CEP152: variants seen among roughly 807,000 people sequenced by gnomAD.
CEP152 encodes centrosomal protein 152.
A neutral mutation model predicts 188.9 loss-of-function variants in CEP152; 132 were observed. That is an observed-to-expected ratio of 0.70 (90% CI 0.61 to 0.81). The LOEUF is 0.81. CEP152 is among the 30% of genes least tolerant of loss of function. CEP152 has a pLI of 0.00. For missense variants in CEP152, 1,914 were observed against 1,969.8 expected (o/e 0.97, Z 0.54); for synonymous variants, 649 against 666.6 (o/e 0.97, Z 0.41).
Position 48,743,383 on chromosome 15 carries a change from G to A in CEP152, c.3835+857C>T, listed in dbSNP as rs1020585266. Among the ~76,000 whole-genome samples, 6 of 152,200 alleles carry A rather than the reference G, an allele frequency of 3.9e-5. No homozygotes were observed. In the South Asian group the frequency reaches 1.2e-3, roughly 32 times the overall value. ...GTTTTGGGACATATATCCATTCTAT[G>A]CATATTAGAATTAGAAACCAAGAAG... On this transcript the variant is annotated intron_variant, in intron 24 of 26. Coordinates refer to ENST00000380950, the MANE Select transcript of CEP152 (RefSeq NM_001194998.2).
chr15:48,746,810 T>C (rs1893466322), intron 22 of CEP152, among the ~76,000 whole-genome samples: 1 of 152,148 alleles, frequency 6.6e-6, no homozygotes, highest in African/African-American at 2.4e-5. Flanking sequence ...ATAGGAACTA[T>C]GGGGAGTGTA....
chr15:48,737,497 C>A (rs1892663656), downstream of CEP152, among the ~76,000 whole-genome samples: 1 of 152,114 alleles, frequency 6.6e-6, no homozygotes. Flanking sequence ...ATGTAAAAAT[C>A]TAATCGTTTT....
intron 22 of CEP152, among the ~76,000 whole-genome samples, chr15:48,746,422 C>T (rs1458736815): frequency 6.6e-6 from 1 of 152,086 alleles, no homozygotes; most frequent in African/African-American, 2.4e-5. Flanking sequence ...CATATTTTAA[C>T]ATATCTATGT....
chr15:48,768,970 G>A lies in CEP152; in HGVS notation c.1894C>T (p.Gln632Ter). ...LLLKNEIQVL[Q>*]QQNQELKETE... ...TTTTTAATCACCTGATTTTGTTGTT[G>A]TAAAACTTGAATTTCATTTTTAAGC... The change falls in exon 14 of 27, where the codon CAA becomes TAA. Residue 632 changes from glutamine (Q) to a stop codon, truncating the protein, a stop_gained. Coordinates refer to ENST00000380950, the MANE Select transcript of CEP152 (RefSeq NM_001194998.2). LOFTEE classifies it high-confidence loss of function. 6.4e-7 allele frequency: 1 copy of A among 1,550,886 alleles called. No homozygotes were observed. The highest frequency in any genetic ancestry group is 8.9e-7 in the Non-Finnish European group (1 of 1,129,292).
intron 15 of CEP152, 64 bp downstream of exon 15, chr15:48,768,155 G>A (rs1273726906): frequency 1.1e-6 from 1 of 914,022 alleles, no homozygotes; most frequent in Non-Finnish European, 1.8e-6. Flanking sequence ...TCACAGGGAA[G>A]GGCAGGGACT....
At chr15:48,744,799 T>C (rs544522715) in intron 23 of CEP152, 97 bp downstream of exon 23, 1 of 1,129,924 alleles carries the variant, frequency 8.9e-7, no homozygotes, top group Non-Finnish European at 1.2e-6. Flanking sequence ...TTTTATACTT[T>C]TTGCTGTATA....
chr15:48,760,203 A>G lies in CEP152; in HGVS notation c.2626T>C (p.Tyr876His). The change falls in exon 19 of 27, where the codon TAT becomes CAT. Residue 876 changes from tyrosine (Y) to histidine (H), a missense_variant. Transcript: ENST00000380950. Reference sequence around the variant, plus strand: ...TGTTCTGCCTTCACAAGTGCTTGATACTCTGCCAGCTCTGGTAGTTCTCCC... The same window carrying G: ...TGTTCTGCCTTCACAAGTGCTTGATGCTCTGCCAGCTCTGGTAGTTCTCCC... ...WLGELPELAE[Y>H]QALVKAEQKK... 4 of 1,613,936 alleles carry G rather than the reference A, an allele frequency of 2.5e-6. No homozygotes were observed. Among genetic ancestry groups the G allele is most frequent in the Non-Finnish European group, 3.4e-6 (4 of 1,179,954 alleles).
chr15:48,759,237 C>T (rs1459760232), intron 19 of CEP152, among the ~76,000 whole-genome samples: 1 of 152,080 alleles, frequency 6.6e-6, no homozygotes, highest in Non-Finnish European at 1.5e-5. Flanking sequence ...TGGTACAGAT[C>T]TGAAATCTTC....
At chr15:48,780,523 C>T (rs895383928) in intron 12 of CEP152, among the ~76,000 whole-genome samples, 4 of 152,256 alleles carry the variant, frequency 2.6e-5, no homozygotes, top group South Asian at 2.1e-4. Flanking sequence ...ACAATGATGA[C>T]GAACTCCATC....
rs899302856 is a variant in CEP152, at chr15:48,796,088, T to G, written c.613A>C (p.Asn205His). 3 of 1,613,936 alleles carry G rather than the reference T, an allele frequency of 1.9e-6. No individual in the cohort carries two copies. The highest frequency in any genetic ancestry group is 2.5e-6 in the Non-Finnish European group (3 of 1,179,872). Reference protein sequence around the residue: ...YKPYQSSAQNNGSPAQEITGS... With the variant: ...YKPYQSSAQNHGSPAQEITGS... ...GTTATCTCCTGGGCTGGTGAGCCAT[T>G]ATTCTGGGCAGAAGACTGATAAGGT... Residue 205 changes from asparagine to histidine, a missense_variant, in exon 6 of 27, where the codon AAT (asparagine) becomes CAT (histidine). Coordinates refer to ENST00000380950, the MANE Select transcript of CEP152 (RefSeq NM_001194998.2).
chr15:48,775,849 C>A (rs1044141706), intron 12 of CEP152, among the ~76,000 whole-genome samples: 1 of 151,576 alleles, frequency 6.6e-6, no homozygotes, highest in Non-Finnish European at 1.5e-5. Flanking sequence ...TGTGAATATA[C>A]GGAAAACCAC....
rs1245790824 is a variant in CEP152, at chr15:48,738,406, G to A, written c.4976C>T (p.Pro1659Leu). Residue 1659 changes from proline (P) to leucine (L), a missense_variant, in exon 27 of 27, where the codon CCA becomes CTA. Transcript: ENST00000380950. ...PGKISVNCGHPSRHKADRLKS... is the reference protein window; with the variant it reads ...PGKISVNCGHLSRHKADRLKS... ...TAATCTATCAGCCTTATGACGAGATGGGTGTCCACAATTCACACTGATCTT... is the reference window on the plus strand; with the variant it reads ...TAATCTATCAGCCTTATGACGAGATAGGTGTCCACAATTCACACTGATCTT... 6 of 1,614,030 alleles carry A rather than the reference G, an allele frequency of 3.7e-6. No homozygotes were observed. The African/African-American group carries it at 5.3e-5, about 14-fold the overall frequency.
chr15:48,796,412 T>C (rs1335021974), intron 5 of CEP152, among the ~76,000 whole-genome samples: 7 of 151,972 alleles, frequency 4.6e-5, no homozygotes, highest in Middle Eastern at 3.2e-3. Context: ...ACACCTAAAT[T>C]CTACTTTTGA....
At position 48,756,041 on chromosome 15, in the gene CEP152, C is replaced by T. The variant is rs1243658279; in HGVS notation, c.3207G>A (p.Gln1069=). The T allele has an allele frequency of 3.7e-6, 6 of 1,613,952 alleles. No homozygotes were observed. The highest frequency in any genetic ancestry group is 5.1e-6 in the Non-Finnish European group (6 of 1,179,984). ...AACAAGTCGACATGATTTCCAAAAG[C>T]TGCTTGTCCTCAGAATCACTGATGT... is the stretch of plus-strand genomic sequence containing the variant. ...KEHISDSEDK[Q]LLEIMSTCSS... Residue 1069 remains glutamine, a synonymous_variant, in exon 20 of 27, where the codon CAG becomes CAA. Transcript: ENST00000380950.
At chr15:48,787,005 G>A (rs1896682978) in intron 9 of CEP152, among the ~76,000 whole-genome samples, 1 of 152,062 alleles carries the variant, frequency 6.6e-6, no homozygotes, top group Non-Finnish European at 1.5e-5. Context: ...AGTCATCCAA[G>A]AAGGGCTACT....
At chr15:48,787,431 G>A (rs767002792) in intron 9 of CEP152, among the ~76,000 whole-genome samples, 7 of 151,380 alleles carry the variant, frequency 4.6e-5, no homozygotes, top group South Asian at 2.1e-4. Flanking sequence ...TCAACCTCCC[G>A]AAGTGCTGGG....
chr15:48,755,781 A>C, intron 20 of CEP152, 122 bp downstream of exon 20: 1 of 1,537,290 alleles, frequency 6.5e-7, no homozygotes, highest in East Asian at 2.3e-5. Context: ...TTTTTAAACC[A>C]CTGACAAAAA....
At chr15:48,735,360 G>A (rs568694962), downstream of CEP152, among the ~76,000 whole-genome samples, 41 of 152,312 alleles carry the variant, frequency 2.7e-4, no homozygotes, top group African/African-American at 9.6e-4. Context: ...CTTAAACAGT[G>A]CTTAGAGAGA....
chr15:48,788,129 G>A (rs1896775343), intron 9 of CEP152, among the ~76,000 whole-genome samples: 1 of 152,130 alleles, frequency 6.6e-6, no homozygotes. Flanking sequence ...AACCTCTCAA[G>A]TTCTAGCCAG....
Sources: gnomAD v4.1 joint callset for allele counts (sites outside exome capture counted in the v4.1 genomes callset) on GRCh38, gnomAD v4.1.1 for gene constraint, MANE v1.5 for transcripts, NCBI Gene and HGNC (gene_info 2026-07-23, HGNC 2026-07-21) for gene names.